The following PPM1H variants were observed in gnomAD, a reference collection of about 807,000 sequenced individuals.
The protein encoded by PPM1H is protein phosphatase 1H.
A neutral mutation model predicts 54.9 loss-of-function variants in PPM1H; 27 were observed. That is an observed-to-expected ratio of 0.49 (90% CI 0.36 to 0.68). The LOEUF (loss-of-function observed/expected upper bound fraction) is 0.68. Among genes scored for constraint, PPM1H ranks in the 30% least tolerant of loss-of-function variants. PPM1H has a pLI of 0.00. For missense variants in PPM1H, 596 were observed against 667.8 expected, an observed-to-expected ratio of 0.89 and a Z score of 1.19; for synonymous variants, 305 against 270.8, an observed-to-expected ratio of 1.13 and a Z score of -1.24.
rs1220900564 is a variant in PPM1H at position 62,804,691 on chromosome 12, T to C, written c.412-2531A>G. Among the ~76,000 whole-genome samples the C allele has an allele frequency of 4.9e-4, 72 of 146,326 alleles. 2 individuals are homozygous for C. The East Asian group carries it at 0.012, about 24-fold the overall frequency. ...CTTTTTTTTTCTTTTTTTTTTTTTT[T>C]TTGAGACGGAGTCTCGCTCTGTCGC... On this transcript the variant is annotated intron_variant, in intron 2 of 9. Coordinates refer to ENST00000228705, the MANE Select transcript of PPM1H (RefSeq NM_020700.2).
At chr12:62,913,525 G>T (rs1426752543) in intron 1 of PPM1H, among the ~76,000 whole-genome samples, 1 of 152,096 alleles carries the variant, frequency 6.6e-6, no homozygotes, top group Non-Finnish European at 1.5e-5. Flanking sequence ...TGTCTGGCTG[G>T]CTGCTTTATG....
At chr12:62,761,648 AT>A (rs1384005455) in intron 4 of PPM1H, among the ~76,000 whole-genome samples, 1 of 152,144 alleles carries the variant, frequency 6.6e-6, no homozygotes, top group Non-Finnish European at 1.5e-5. Flanking sequence ...TCATTTCCCC[AT>A]AAAAAAAGGG....
chr12:62,836,973 A>T (rs1018516340), intron 1 of PPM1H, among the ~76,000 whole-genome samples: 4 of 152,220 alleles, frequency 2.6e-5, no homozygotes, highest in African/African-American at 9.7e-5. Flanking sequence ...CTGTATGTGT[A>T]TCAGATACAC....
chr12:62,801,111 T>C (rs1266040913), intron 3 of PPM1H, among the ~76,000 whole-genome samples: 1 of 152,216 alleles, frequency 6.6e-6, no homozygotes, highest in Non-Finnish European at 1.5e-5. Context: ...ATCACATCTG[T>C]ATAGGATGGG....
intron 5 of PPM1H, among the ~76,000 whole-genome samples, chr12:62,728,079 G>A (rs2120491199): frequency 6.6e-6 from 1 of 152,262 alleles, no homozygotes; most frequent in African/African-American, 2.4e-5. Flanking sequence ...ATAACAGAAT[G>A]CTACTAAATG....
intron 4 of PPM1H, among the ~76,000 whole-genome samples, chr12:62,745,124 T>C (rs2076402983): frequency 6.6e-6 from 1 of 152,234 alleles, no homozygotes; most frequent in Admixed American, 6.5e-5. Flanking sequence ...AGCAGCTTGA[T>C]AACATATAAT....
At chr12:62,848,772 C>A (rs1869068801) in intron 1 of PPM1H, among the ~76,000 whole-genome samples, 1 of 152,094 alleles carries the variant, frequency 6.6e-6, no homozygotes, top group South Asian at 2.1e-4. Context: ...GTTTATAATC[C>A]ACTGGTGGTG....
At chr12:62,876,576 G>A (rs952919605) in intron 1 of PPM1H, among the ~76,000 whole-genome samples, 1 of 152,186 alleles carries the variant, frequency 6.6e-6, no homozygotes, top group Admixed American at 6.5e-5. Context: ...AAGTGGGCAG[G>A]AGAGCTGTTT....
At chr12:62,713,892 C>T (rs973978388) in intron 6 of PPM1H, among the ~76,000 whole-genome samples, 4 of 151,826 alleles carry the variant, frequency 2.6e-5, no homozygotes, top group Admixed American at 6.6e-5. Flanking sequence ...CACTTGAGCC[C>T]GGGAGGTTGA....
intron 1 of PPM1H, among the ~76,000 whole-genome samples, chr12:62,884,501 C>CAAAAAAAAAAA (rs6144736): frequency 1.1e-5 from 1 of 89,974 alleles, no homozygotes; most frequent in African/African-American, 4.0e-5. Context: ...AACTCCATAT[C>CAAAAAAAAAAA]AAAAAAAAAA....
At chr12:62,666,456 C>T (rs1192503007) in intron 9 of PPM1H, among the ~76,000 whole-genome samples, 2 of 152,162 alleles carry the variant, frequency 1.3e-5, no homozygotes, top group South Asian at 2.1e-4. Flanking sequence ...AAATACTTAA[C>T]TTGGATCTTT....
At chr12:62,706,694 T>C (rs1280031091) in intron 6 of PPM1H, among the ~76,000 whole-genome samples, 1 of 152,236 alleles carries the variant, frequency 6.6e-6, no homozygotes, top group Non-Finnish European at 1.5e-5. Flanking sequence ...ACTTCAGGTC[T>C]GTCCCAACAG....
At chr12:62,746,819 A>C (rs1284023865) in intron 4 of PPM1H, among the ~76,000 whole-genome samples, 1 of 152,158 alleles carries the variant, frequency 6.6e-6, no homozygotes, top group Non-Finnish European at 1.5e-5. Context: ...GTAGAAGCTC[A>C]TTCACACCCC....
chr12:62,917,073 G>A (rs1199065887), intron 1 of PPM1H, among the ~76,000 whole-genome samples: 1 of 152,134 alleles, frequency 6.6e-6, no homozygotes, highest in Non-Finnish European at 1.5e-5. Flanking sequence ...AATATAATTT[G>A]ACTTATGTGA....
chr12:62,679,218 C>T (rs747474095), intron 8 of PPM1H, among the ~76,000 whole-genome samples: 2 of 152,120 alleles, frequency 1.3e-5, no homozygotes, highest in African/African-American at 4.8e-5. Flanking sequence ...ATCTCTTGAC[C>T]TCGTGATCTG....
chr12:62,654,919 C>G (rs1341630430), intron 9 of PPM1H, among the ~76,000 whole-genome samples: 3 of 152,200 alleles, frequency 2.0e-5, no homozygotes, highest in African/African-American at 7.2e-5. Flanking sequence ...TCTTCCTACC[C>G]TGTTCCCAGG....
intron 1 of PPM1H, among the ~76,000 whole-genome samples, chr12:62,839,952 T>G (rs1868668584): frequency 6.6e-6 from 1 of 151,270 alleles, no homozygotes; most frequent in African/African-American, 2.4e-5. Flanking sequence ...GTGAAAGGAC[T>G]GCTTGAGCCT....
intron 4 of PPM1H, among the ~76,000 whole-genome samples, chr12:62,766,911 C>T (rs750424852): frequency 6.6e-6 from 1 of 152,180 alleles, no homozygotes; most frequent in African/African-American, 2.4e-5. Context: ...TTCAGAAATA[C>T]CAAAAGGCAG....
chr12:62,688,290 A>C (rs1192458568), intron 8 of PPM1H, among the ~76,000 whole-genome samples: 1 of 152,174 alleles, frequency 6.6e-6, no homozygotes, highest in African/African-American at 2.4e-5. Context: ...CCATGAAGGG[A>C]AAGTCAAAGA....
Sources: gnomAD v4.1 joint callset for allele counts (sites outside exome capture counted in the v4.1 genomes callset) on GRCh38, gnomAD v4.1.1 for gene constraint, MANE v1.5 for transcripts, NCBI Gene and HGNC (gene_info 2026-07-23, HGNC 2026-07-21) for gene names.